CHD1L: variants seen among roughly 807,000 people sequenced by gnomAD.
CHD1L encodes ATP-dependent chromatin remodeler CHD1L.
CHD1L carries 118 observed loss-of-function variants against 115.9 expected under a neutral mutation model. That is an observed-to-expected ratio of 1.02 (90% CI 0.88 to 1.19). The LOEUF is 1.19. CHD1L is among the 50% of genes most tolerant of loss of function. CHD1L has a pLI of 0.00. For synonymous variants in CHD1L, 411 were observed against 387.1 expected, an observed-to-expected ratio of 1.06 and a Z score of -0.72; for missense variants, 1,179 against 1,065.3, an observed-to-expected ratio of 1.11 and a Z score of -1.49.
chr1:147,189,426 G>A, the CHD1L span, among the ~76,000 whole-genome samples: 662 of 152,160 alleles, frequency 4.4e-3, 10 homozygotes, highest in East Asian at 0.044. Context: ...AAGTTGTAAC[G>A]GAATTAAATA....
the CHD1L span, among the ~76,000 whole-genome samples, chr1:147,192,606 G>C: frequency 6.6e-6 from 1 of 151,872 alleles, no homozygotes; most frequent in African/African-American, 2.4e-5. Flanking sequence ...CAAAGGGAAT[G>C]CTTCCAGTTT....
chr1:147,233,152 C>A, the CHD1L span, among the ~76,000 whole-genome samples: 3 of 152,068 alleles, frequency 2.0e-5, no homozygotes, highest in Admixed American at 6.5e-5. Context: ...CCGGCTGCGA[C>A]CCCGTCTGGG....
At chr1:147,240,601 C>T (rs1664756712), upstream of CHD1L, among the ~76,000 whole-genome samples, 1 of 151,930 alleles carries the variant, frequency 6.6e-6, no homozygotes, top group Non-Finnish European at 1.5e-5. Flanking sequence ...GTCTCCTGCT[C>T]ATCCCTGGGC....
At chr1:147,285,997 A>C (rs1233446630) in intron 17 of CHD1L, among the ~76,000 whole-genome samples, 1 of 152,176 alleles carries the variant, frequency 6.6e-6, no homozygotes, top group Non-Finnish European at 1.5e-5. Context: ...ATGCCCGGCC[A>C]AAACCAGAAG....
intron 17 of CHD1L, 58 bp downstream of exon 17, chr1:147,285,545 G>A: frequency 6.6e-7 from 1 of 1,509,480 alleles, no homozygotes; most frequent in Non-Finnish European, 8.9e-7. Context: ...ATTGTATAGT[G>A]AGACCACAGT....
chr1:147,225,094 A>C, the CHD1L span: 1 of 1,610,340 alleles, frequency 6.2e-7, no homozygotes, highest in Non-Finnish European at 8.5e-7. Context: ...AAAGACAAAA[A>C]GCACACATCG....
chr1:147,284,852 T>C (rs1258730396), intron 16 of CHD1L, among the ~76,000 whole-genome samples: 1 of 152,172 alleles, frequency 6.6e-6, no homozygotes, highest in Non-Finnish European at 1.5e-5. Context: ...ATAAATGATA[T>C]ATGTAGTGTT....
At chr1:147,294,855 A>G (rs1378216662) in intron 22 of CHD1L, among the ~76,000 whole-genome samples, 2 of 152,226 alleles carry the variant, frequency 1.3e-5, no homozygotes, top group African/African-American at 4.8e-5. Flanking sequence ...AACAAGGCTT[A>G]ATTCTAAGAA....
At chr1:147,264,955 C>A (rs587715699) in intron 7 of CHD1L, among the ~76,000 whole-genome samples, 3 of 152,226 alleles carry the variant, frequency 2.0e-5, no homozygotes, top group Non-Finnish European at 4.4e-5. Flanking sequence ...TCCCAAACTA[C>A]TGTTCAGCAT....
At chr1:147,263,809 G>C (rs1475130574) in intron 6 of CHD1L, among the ~76,000 whole-genome samples, 1 of 151,828 alleles carries the variant, frequency 6.6e-6, no homozygotes, top group Non-Finnish European at 1.5e-5. Context: ...CAGAAATCTT[G>C]ACATCTTGCA....
chr1:147,203,274 T>A, the CHD1L span: 3 of 1,564,480 alleles, frequency 1.9e-6, no homozygotes, highest in Admixed American at 1.8e-5. Flanking sequence ...TAAGCCAATT[T>A]CAATCATTTT....
chr1:147,272,981 C>CT (rs1332661407), intron 12 of CHD1L, among the ~76,000 whole-genome samples: 34 of 150,996 alleles, frequency 2.3e-4, no homozygotes, highest in African/African-American at 8.2e-4. Flanking sequence ...GGGTGGATCA[C>CT]TGGAGGTGAG....
the CHD1L span, among the ~76,000 whole-genome samples, chr1:147,227,935 G>A: frequency 6.6e-6 from 1 of 151,768 alleles, no homozygotes; most frequent in South Asian, 2.1e-4. Flanking sequence ...GTTTTGAGAT[G>A]GAGCCTCACT....
chr1:147,235,178 T>C, the CHD1L span, among the ~76,000 whole-genome samples: 2 of 151,546 alleles, frequency 1.3e-5, no homozygotes, highest in Admixed American at 1.3e-4. Context: ...GCCACACATA[T>C]GGGGAAAACA....
the CHD1L span, among the ~76,000 whole-genome samples, chr1:147,219,521 A>G: frequency 6.6e-6 from 1 of 152,154 alleles, no homozygotes; most frequent in Admixed American, 6.5e-5. Context: ...CCTATAACCA[A>G]CATCATACTT....
intron 11 of CHD1L, among the ~76,000 whole-genome samples, chr1:147,271,324 C>T (rs782419608): frequency 9.9e-5 from 15 of 152,250 alleles, no homozygotes; most frequent in South Asian, 6.2e-4. Flanking sequence ...GAGCTTTTAG[C>T]GTCTTGTAAC....
the CHD1L span, among the ~76,000 whole-genome samples, chr1:147,187,501 AAG>A: frequency 1.3e-5 from 2 of 152,184 alleles, no homozygotes; most frequent in Non-Finnish European, 2.9e-5. Flanking sequence ...GGATAGTTAA[AAG>A]AGAGCTGTAA....
intron 20 of CHD1L, among the ~76,000 whole-genome samples, chr1:147,292,884 A>AC (rs1454821212): frequency 6.6e-6 from 1 of 152,224 alleles, no homozygotes. Flanking sequence ...ACTGGGGATT[A>AC]CATCCTAACA....
At chr1:147,282,506 CTTCTT>C (rs1681312574) in intron 15 of CHD1L, among the ~76,000 whole-genome samples, 1 of 152,166 alleles carries the variant, frequency 6.6e-6, no homozygotes, top group Admixed American at 6.5e-5. Context: ...TTCCATGTCT[CTTCTT>C]AATCTGTCAT....
Sources: gnomAD v4.1 joint callset for allele counts (sites outside exome capture counted in the v4.1 genomes callset) on GRCh38, gnomAD v4.1.1 for gene constraint, MANE v1.5 for transcripts, NCBI Gene and HGNC (gene_info 2026-07-23, HGNC 2026-07-21) for gene names.